Variants in ANXA8 observed in about 807,000 individuals in gnomAD.
The protein encoded by ANXA8 is VAC-beta.
ANXA8 carries 9 observed loss-of-function variants against 26.8 expected under a neutral mutation model. That is an observed-to-expected ratio of 0.34 (90% CI 0.20 to 0.59). The LOEUF is 0.59. Among genes scored for constraint, ANXA8 ranks in the 20% least tolerant of loss-of-function variants. The probability of loss-of-function intolerance (pLI) is 0.84; values close to 1 mark genes in which losing one functional copy is unlikely to be tolerated. For synonymous variants in ANXA8, 39 were observed against 94.8 expected (o/e 0.41, Z 3.42); for missense variants, 83 against 238.5 (o/e 0.35, Z 4.29).
chr10:47,513,275 C>T, the ANXA8 span, among the ~76,000 whole-genome samples: 27 of 143,890 alleles, frequency 1.9e-4, no homozygotes, highest in African/African-American at 3.8e-4. Flanking sequence ...CCTCATGATC[C>T]GTCCGCCTCA....
At chr10:47,982,319 C>G in the ANXA8 span, among the ~76,000 whole-genome samples, 1 of 151,132 alleles carries the variant, frequency 6.6e-6, no homozygotes, top group Non-Finnish European at 1.5e-5. Context: ...ACAACCCCCC[C>G]AAACCCCAAA....
chr10:47,533,028 TAC>T, the ANXA8 span, among the ~76,000 whole-genome samples: 1 of 113,448 alleles, frequency 8.8e-6, no homozygotes, highest in South Asian at 3.2e-4. Context: ...AACTCCAGTG[TAC>T]AGTCTGCACA....
chr10:47,968,146 C>G, the ANXA8 span, among the ~76,000 whole-genome samples: 1 of 149,974 alleles, frequency 6.7e-6, no homozygotes, highest in East Asian at 2.0e-4. Flanking sequence ...GGCCCTGCCA[C>G]CACTGTGCTT....
At chr10:47,700,742 T>C in the ANXA8 span, among the ~76,000 whole-genome samples, 1 of 151,156 alleles carries the variant, frequency 6.6e-6, no homozygotes, top group Admixed American at 6.6e-5. Context: ...ATTTGTAACA[T>C]ACAACAAAAG....
At chr10:47,725,490 TTTGAG>T in the ANXA8 span, among the ~76,000 whole-genome samples, 1 of 119,666 alleles carries the variant, frequency 8.4e-6, no homozygotes, top group Non-Finnish European at 1.8e-5. Context: ...TATTATCTAC[TTTGAG>T]TTAAGTTTTG....
At chr10:47,678,808 A>G in the ANXA8 span, among the ~76,000 whole-genome samples, 2 of 149,432 alleles carry the variant, frequency 1.3e-5, no homozygotes, top group Non-Finnish European at 3.0e-5. Context: ...TGGGGGGCCG[A>G]GGGGGGTGCA....
chr10:47,485,697 C>T (rs1363233827), upstream of ANXA8, among the ~76,000 whole-genome samples: 10 of 151,840 alleles, frequency 6.6e-5, no homozygotes, highest in Non-Finnish European at 8.8e-5. Context: ...AAGTTAAATG[C>T]TACTTAAAGA....
chr10:47,474,905 C>T (rs1315114855), intron 7 of ANXA8, 40 bp downstream of exon 7: 2 of 1,532,700 alleles, frequency 1.3e-6, no homozygotes, highest in Admixed American at 3.6e-5. Flanking sequence ...GTCCAGATGG[C>T]AGGGGGTGGG....
chr10:47,937,416 TAA>T, the ANXA8 span, among the ~76,000 whole-genome samples: 34 of 149,862 alleles, frequency 2.3e-4, 3 homozygotes, highest in Admixed American at 2.1e-3. Context: ...AAAGTTAATT[TAA>T]GTTTTAAAAT....
chr10:47,649,442 C>T, the ANXA8 span, among the ~76,000 whole-genome samples: 2 of 151,322 alleles, frequency 1.3e-5, no homozygotes, highest in Non-Finnish European at 2.9e-5. Context: ...TGGAGTCTTG[C>T]TCTGTTGCCC....
At chr10:47,589,389 A>G in the ANXA8 span, 1 of 146,152 alleles carries the variant, frequency 6.8e-6, no homozygotes, top group Non-Finnish European at 1.5e-5. Context: ...TTAAGGAGGG[A>G]CCCAGACACA....
chr10:47,667,664 T>C, the ANXA8 span, among the ~76,000 whole-genome samples: 3 of 151,846 alleles, frequency 2.0e-5, no homozygotes, highest in Admixed American at 6.6e-5. Context: ...GTGATTCTGG[T>C]GCCTCAGCCT....
the ANXA8 span, chr10:47,565,851 G>C: frequency 1.5e-6 from 2 of 1,290,362 alleles, no homozygotes; most frequent in Non-Finnish European, 1.0e-6. Context: ...CGGGACGCGC[G>C]GACCAGCTGG....
the ANXA8 span, among the ~76,000 whole-genome samples, chr10:47,513,361 A>G: frequency 7.0e-6 from 1 of 142,208 alleles, no homozygotes; most frequent in African/African-American, 2.6e-5. Flanking sequence ...GCCGTTGGGA[A>G]CTACAAAACA....
the ANXA8 span, among the ~76,000 whole-genome samples, chr10:47,989,304 C>T: frequency 8.0e-6 from 1 of 125,008 alleles, no homozygotes; most frequent in Non-Finnish European, 1.8e-5. Context: ...GCTCTCAGTG[C>T]CTGCCGGCTT....
chr10:47,633,345 C>CCCGT, the ANXA8 span, among the ~76,000 whole-genome samples: 4 of 95,162 alleles, frequency 4.2e-5, no homozygotes, highest in African/African-American at 2.2e-4. Flanking sequence ...TTCACACACA[C>CCCGT]ACGTACGTTC....
chr10:47,594,983 C>G, the ANXA8 span, among the ~76,000 whole-genome samples: 2 of 149,258 alleles, frequency 1.3e-5, no homozygotes, highest in Non-Finnish European at 2.9e-5. Context: ...AAGGTTAACA[C>G]AAAAGAAAAA....
At chr10:47,686,687 A>T in the ANXA8 span, among the ~76,000 whole-genome samples, 1 of 152,016 alleles carries the variant, frequency 6.6e-6, no homozygotes, top group Non-Finnish European at 1.5e-5. Context: ...TCTTAAGTAC[A>T]AAAGAATTCC....
At chr10:47,564,105 C>T in the ANXA8 span, among the ~76,000 whole-genome samples, 1 of 128,404 alleles carries the variant, frequency 7.8e-6, no homozygotes, top group East Asian at 2.2e-4. Flanking sequence ...GCCTTGAGCG[C>T]GGTGCGGGTC....
Sources: allele counts gnomAD v4.1 joint callset (sites outside exome capture counted in the v4.1 genomes callset), GRCh38; gene constraint gnomAD v4.1.1; transcripts MANE v1.5; gene names NCBI Gene and HGNC (gene_info 2026-07-23, HGNC 2026-07-21).